Variants in SCAPER observed in about 807,000 individuals in gnomAD.
The protein encoded by SCAPER is S phase cyclin A-associated protein in the endoplasmic reticulum.
A neutral mutation model predicts 182.2 loss-of-function variants in SCAPER; 98 were observed. That is an observed-to-expected ratio of 0.54 (90% CI 0.46 to 0.64). The LOEUF (loss-of-function observed/expected upper bound fraction) is 0.64. Ranked by LOEUF, SCAPER falls within the 30% of genes least tolerant of loss-of-function variation. The pLI, the probability that SCAPER is intolerant of heterozygous loss-of-function variation, is 0.00. For synonymous variants in SCAPER, 605 were observed against 564.6 expected, an observed-to-expected ratio of 1.07 and a Z score of -1.01; for missense variants, 1,432 against 1,690.0, an observed-to-expected ratio of 0.85 and a Z score of 2.68.
intron 8 of SCAPER, among the ~76,000 whole-genome samples, chr15:76,792,763 T>G (rs2065081464): frequency 1.3e-5 from 2 of 152,200 alleles, no homozygotes; most frequent in African/African-American, 2.4e-5. Flanking sequence ...GTTGGATACT[T>G]TAGTTTCAGC....
intron 19 of SCAPER, 37 bp downstream of exon 19, chr15:76,702,813 T>A: frequency 6.4e-7 from 1 of 1,567,550 alleles, no homozygotes; most frequent in Non-Finnish European, 8.6e-7. Context: ...ACTTTAGTAG[T>A]AAACTATATC....
At chr15:76,348,919 AAT>A (rs571108872) in intron 31 of SCAPER, 183 bp from the exon 32 acceptor site, 172 of 455,706 alleles carry the variant, frequency 3.8e-4, no homozygotes, top group African/African-American at 3.2e-3. Flanking sequence ...TGTAGTATAA[AAT>A]ATATGACATA....
intron 1 of SCAPER, among the ~76,000 whole-genome samples, chr15:76,899,517 T>G (rs964237522): frequency 6.6e-6 from 1 of 152,124 alleles, no homozygotes; most frequent in African/African-American, 2.4e-5. Context: ...CACTACAACC[T>G]CCACCTCCCA....
chr15:76,361,826 A>T (rs1015712545), intron 29 of SCAPER, among the ~76,000 whole-genome samples: 3 of 152,204 alleles, frequency 2.0e-5, no homozygotes, highest in African/African-American at 7.2e-5. Context: ...CTGCTTCCAC[A>T]TACCTAATAA....
At chr15:76,837,729 A>G (rs2069081972) in intron 5 of SCAPER, among the ~76,000 whole-genome samples, 1 of 152,202 alleles carries the variant, frequency 6.6e-6, no homozygotes, top group Non-Finnish European at 1.5e-5. Context: ...AAAACTATAC[A>G]ACCCCATTTA....
chr15:76,563,486 G>C (rs1330343015), intron 23 of SCAPER, among the ~76,000 whole-genome samples: 1 of 152,086 alleles, frequency 6.6e-6, no homozygotes, highest in African/African-American at 2.4e-5. Context: ...CTGAATTCCT[G>C]AACAGATCCA....
intron 17 of SCAPER, among the ~76,000 whole-genome samples, chr15:76,718,716 T>G (rs147004035): frequency 6.6e-6 from 1 of 151,576 alleles, no homozygotes; most frequent in East Asian, 1.9e-4. Context: ...AACTCAATAG[T>G]AGAAAAACAA....
At chr15:76,790,407 G>A (rs905180668) in intron 8 of SCAPER, among the ~76,000 whole-genome samples, 26 of 152,088 alleles carry the variant, frequency 1.7e-4, no homozygotes, top group Admixed American at 5.2e-4. Context: ...GAAGTAACAC[G>A]TGAAGCCATC....
At chr15:76,723,087 C>T (rs143276231) in intron 17 of SCAPER, among the ~76,000 whole-genome samples, 1 of 152,204 alleles carries the variant, frequency 6.6e-6, no homozygotes, top group Non-Finnish European at 1.5e-5. Context: ...TTTCCCTCTA[C>T]ACACTGCTTT....
chr15:76,783,541 G>C (rs2064327625), intron 8 of SCAPER, among the ~76,000 whole-genome samples: 1 of 152,114 alleles, frequency 6.6e-6, no homozygotes, highest in South Asian at 2.1e-4. Flanking sequence ...TATGAGGCCA[G>C]CATCATCCAG....
Position 76,871,484 on chromosome 15 carries a change from G to C in SCAPER, c.7-8951C>G, listed in dbSNP as rs113794236. Among the ~76,000 whole-genome samples the C allele has an allele frequency of 1.9e-3, 283 of 150,698 alleles. 3 individuals are homozygous for C. The highest frequency in any genetic ancestry group is 6.2e-3 in the African/African-American group (255 of 41,116). Reference sequence around the variant, plus strand: ...TAAATAAATAACACAGTCACCTGGGGAATAAGGGCAAGATGGGATAGCGAT... The same window carrying C: ...TAAATAAATAACACAGTCACCTGGGCAATAAGGGCAAGATGGGATAGCGAT... On this transcript the variant is annotated intron_variant, in intron 2 of 31. Coordinates refer to ENST00000563290, the MANE Select transcript of SCAPER (RefSeq NM_020843.4).
chr15:76,607,425 C>A (rs531381806), intron 22 of SCAPER, among the ~76,000 whole-genome samples: 1 of 152,170 alleles, frequency 6.6e-6, no homozygotes, highest in Non-Finnish European at 1.5e-5. Context: ...GGTAACCTGA[C>A]CTTTGTCTCT....
At chr15:76,782,787 T>C (rs2064253714) in intron 8 of SCAPER, among the ~76,000 whole-genome samples, 1 of 151,958 alleles carries the variant, frequency 6.6e-6, no homozygotes, top group Non-Finnish European at 1.5e-5. Context: ...GACTACTGGG[T>C]AAATAACGAA....
At chr15:76,442,935 C>T (rs2047717040) in intron 25 of SCAPER, among the ~76,000 whole-genome samples, 1 of 151,980 alleles carries the variant, frequency 6.6e-6, no homozygotes, top group Admixed American at 6.6e-5. Flanking sequence ...GGAATACAGG[C>T]AAAAACCAGG....
intron 17 of SCAPER, among the ~76,000 whole-genome samples, chr15:76,725,906 A>C (rs1170000996): frequency 6.6e-6 from 1 of 151,370 alleles, no homozygotes; most frequent in Non-Finnish European, 1.5e-5. Flanking sequence ...ATCCAGGGAG[A>C]AAACTTCACA....
intron 24 of SCAPER, among the ~76,000 whole-genome samples, chr15:76,472,778 T>C (rs1261112368): frequency 6.6e-6 from 1 of 152,200 alleles, no homozygotes; most frequent in Admixed American, 6.5e-5. Context: ...ACCTTTCCCT[T>C]CCCATTTTGA....
At position 76,703,226 on chromosome 15, in the gene SCAPER, GA is replaced by G. The variant is rs146409816; in HGVS notation, c.2248-225del. Among the ~76,000 whole-genome samples, 333 of 152,270 alleles carry G rather than the reference GA, an allele frequency of 2.2e-3. 1 individual carries two copies. Among genetic ancestry groups the G allele is most frequent in the African/African-American group, 7.7e-3 (319 of 41,538 alleles). ...AGGAGATATTAACAAGTGTTTTACA[GA>G]ACAGGTTCCATGGTCAAATAAATTT... On this transcript the variant is annotated intron_variant, in intron 18 of 31. Coordinates refer to ENST00000563290, the MANE Select transcript of SCAPER (RefSeq NM_020843.4).
intron 17 of SCAPER, among the ~76,000 whole-genome samples, chr15:76,709,217 C>T (rs1308112989): frequency 1.3e-5 from 2 of 152,120 alleles, no homozygotes; most frequent in Admixed American, 6.5e-5. Flanking sequence ...CTGCAACCTC[C>T]ACCTCCAGGG....
intron 24 of SCAPER, among the ~76,000 whole-genome samples, chr15:76,492,859 T>C (rs2052455864): frequency 6.6e-6 from 1 of 150,652 alleles, no homozygotes; most frequent in East Asian, 1.9e-4. Flanking sequence ...TGTAACACAA[T>C]CTGAGAGTGT....
Sources: gnomAD v4.1 joint callset for allele counts (sites outside exome capture counted in the v4.1 genomes callset) on GRCh38, gnomAD v4.1.1 for gene constraint, MANE v1.5 for transcripts, NCBI Gene and HGNC (gene_info 2026-07-23, HGNC 2026-07-21) for gene names.